The following TMEM270 variants were observed in gnomAD, a reference collection of about 807,000 sequenced individuals.
TMEM270 encodes transmembrane protein 270, also known as Williams-Beuren syndrome chromosome region 28.
TMEM270 carries 30 observed loss-of-function variants against 29.9 expected under a neutral mutation model. That is an observed-to-expected ratio of 1.00 (90% CI 0.75 to 1.36). TMEM270 has a LOEUF of 1.36. Ranked by LOEUF, TMEM270 falls within the 40% of genes most tolerant of loss-of-function variation. The pLI, the probability that TMEM270 is intolerant of heterozygous loss-of-function variation, is 0.00. For synonymous variants in TMEM270, 135 were observed against 139.8 expected (o/e 0.97, Z 0.24); for missense variants, 313 against 307.1 (o/e 1.02, Z -0.14).
At chr7:73,863,251 C>G (rs1462131898) in intron 1 of TMEM270, among the ~76,000 whole-genome samples, 2 of 152,106 alleles carry the variant, frequency 1.3e-5, no homozygotes, top group Non-Finnish European at 2.9e-5. Flanking sequence ...CACTCAAGGG[C>G]TGGGGGCTTT....
intron 1 of TMEM270, among the ~76,000 whole-genome samples, chr7:73,864,438 A>T (rs1437291190): frequency 2.0e-5 from 3 of 152,034 alleles, no homozygotes; most frequent in Admixed American, 2.0e-4. Flanking sequence ...CTTAAAAAAA[A>T]ATATCCAATG....
At chr7:73,863,444 C>A (rs910286090) in intron 1 of TMEM270, among the ~76,000 whole-genome samples, 3 of 150,904 alleles carry the variant, frequency 2.0e-5, no homozygotes, top group Admixed American at 6.6e-5. Flanking sequence ...GGCTGGAGTG[C>A]AGTGGCACGA....
intron 1 of TMEM270, among the ~76,000 whole-genome samples, chr7:73,864,555 C>A (rs1788856386): frequency 6.6e-6 from 1 of 152,058 alleles, no homozygotes; most frequent in African/African-American, 2.4e-5. Flanking sequence ...GAGCTGAGGC[C>A]TTGAGATGGG....
chr7:73,865,526 T>G lies in TMEM270; in HGVS notation c.502-51T>G, dbSNP rs570095509. The G allele has an allele frequency of 3.8e-6, 6 of 1,593,294 alleles. No homozygotes were observed. In the African/African-American group the frequency reaches 8.0e-5, roughly 21 times the overall value. On this transcript the variant is annotated intron_variant, in intron 2 of 2. Transcript: ENST00000320531. ...AGGGGGGAGCCACAGCCAAGCAGTG[T>G]AACCCTATGAGCTCCTAAGGGCCAC...
At chr7:73,865,499 G>A in intron 2 of TMEM270, 78 bp downstream of exon 2, 1 of 1,578,818 alleles carries the variant, frequency 6.3e-7, no homozygotes, top group Admixed American at 1.7e-5. Flanking sequence ...GGCTGGGCTT[G>A]CAGGGGGGAG....
rs781811494 is a variant in TMEM270, at chr7:73,861,236, C to T, written c.42C>T (p.Ile14=). The change falls in exon 1 of 3, where the codon ATC becomes ATT. Residue 14 remains isoleucine, a synonymous_variant. Coordinates refer to ENST00000320531, the MANE Select transcript of TMEM270 (RefSeq NM_182504.4). The part of the protein sequence containing the change: ...LPPVRSSLLG[I]LLQVTRLSVL... ...CAGTCAGATCCAGCCTTTTGGGGATCCTGTTGCAGGTTACGAGGCTCTCAG... is the reference window on the plus strand; with the variant it reads ...CAGTCAGATCCAGCCTTTTGGGGATTCTGTTGCAGGTTACGAGGCTCTCAG... 26 of 1,613,174 alleles carry T rather than the reference C, an allele frequency of 1.6e-5. No homozygotes were observed. The highest frequency in any genetic ancestry group is 1.3e-4 in the Admixed American group (8 of 59,986).
At chr7:73,865,495 G>A (rs1788887055) in intron 2 of TMEM270, 74 bp downstream of exon 2, 1 of 1,579,350 alleles carries the variant, frequency 6.3e-7, no homozygotes, top group Non-Finnish European at 8.6e-7. Flanking sequence ...GGCTGGCTGG[G>A]CTTGCAGGGG....
intron 1 of TMEM270, 105 bp from the exon 2 acceptor site, chr7:73,864,888 A>T (rs1294102966): frequency 1.8e-5 from 19 of 1,030,168 alleles, no homozygotes; most frequent in Non-Finnish European, 2.5e-5. Context: ...GGGCAACAAG[A>T]GTGAAACTCC....
intron 2 of TMEM270, 75 bp from the exon 3 acceptor site, chr7:73,865,501 AG>A (rs1231324559): frequency 2.5e-6 from 4 of 1,578,814 alleles, no homozygotes; most frequent in Non-Finnish European, 3.4e-6. Context: ...CTGGGCTTGC[AG>A]GGGGGAGCCA....
intron 1 of TMEM270, among the ~76,000 whole-genome samples, chr7:73,862,511 G>A (rs1554639437): frequency 1.3e-5 from 2 of 151,880 alleles, no homozygotes; most frequent in East Asian, 3.9e-4. Context: ...GGCCAAGGCT[G>A]CAGTCAGCCA....
chr7:73,861,079 T>G (rs1584352495), upstream of TMEM270: 1 of 969,968 alleles, frequency 1.0e-6, no homozygotes, highest in Admixed American at 1.8e-5. Flanking sequence ...AGGAGCCAGG[T>G]AAAGGCAGTG....
intron 1 of TMEM270, chr7:73,861,683 A>G (rs574465022): frequency 3.3e-6 from 1 of 300,672 alleles, no homozygotes; most frequent in South Asian, 2.9e-5. Flanking sequence ...TTGGCCTCAC[A>G]TGATCCTCCT....
intron 2 of TMEM270, 52 bp downstream of exon 2, chr7:73,865,473 G>A (rs782789080): frequency 6.3e-7 from 1 of 1,585,174 alleles, no homozygotes; most frequent in Non-Finnish European, 8.6e-7. Flanking sequence ...CTGGGGTACT[G>A]GGTGTGGTCA....
At chr7:73,864,908 A>G in intron 1 of TMEM270, 85 bp from the exon 2 acceptor site, 1 of 1,280,834 alleles carries the variant, frequency 7.8e-7, no homozygotes, top group East Asian at 2.6e-5. Context: ...CGTCTCAAAA[A>G]AAAAAAAAAG....
chr7:73,863,780 G>A (rs532307600), intron 1 of TMEM270, among the ~76,000 whole-genome samples: 27 of 152,158 alleles, frequency 1.8e-4, no homozygotes, highest in Non-Finnish European at 3.5e-4. Context: ...TGTCTCTCAC[G>A]CCTCCCTGCC....
At chr7:73,861,623 A>G in intron 1 of TMEM270, 1 of 373,722 alleles carries the variant, frequency 2.7e-6, no homozygotes, top group Non-Finnish European at 5.3e-6. Context: ...TAATTTTTGT[A>G]TTTTGTAGAG....
intron 1 of TMEM270, among the ~76,000 whole-genome samples, chr7:73,861,948 G>A (rs1788796169): frequency 6.6e-6 from 1 of 151,272 alleles, no homozygotes; most frequent in African/African-American, 2.4e-5. Context: ...ACAGGCACGT[G>A]CCATCATCCC....
chr7:73,865,173 C>A lies in TMEM270; in HGVS notation c.253C>A (p.Gln85Lys), dbSNP rs782023575. The change falls in exon 2 of 3, where the codon CAG becomes AAG. Residue 85 changes from glutamine (Q) to lysine (K), a missense_variant. Gln to Lys is a moderately conservative substitution (Grantham distance 53, BLOSUM62 1). Transcript: ENST00000320531. Reference sequence around the variant, plus strand: ...TCTCTGGGCTGGGCTGGCTCTGATACAGGTCCCCGTATGGCTGGTGCTACA... The same window carrying A: ...TCTCTGGGCTGGGCTGGCTCTGATAAAGGTCCCCGTATGGCTGGTGCTACA... ...QALWAGLALI[Q>K]VPVWLVLQGP... is the part of the protein sequence containing the mutation. 12 of 1,612,658 alleles carry A rather than the reference C, an allele frequency of 7.4e-6. No individual in the cohort carries two copies. Among genetic ancestry groups the A allele is most frequent in the Non-Finnish European group, 9.3e-6 (11 of 1,179,054 alleles).
In TMEM270 at chr7:73,865,132, GC is replaced by G. The variant is rs150108862; in HGVS notation, c.217del (p.Leu73TrpfsTer11). On this transcript the variant is annotated frameshift_variant, in exon 2 of 3. Coordinates refer to ENST00000320531, the MANE Select transcript of TMEM270 (RefSeq NM_182504.4). LOFTEE classifies it high-confidence loss of function. The stretch of plus-strand genomic sequence containing the variant: ...CACCTACCCCTGGGAGCTGCAGCCT[GC>G]CCCCTGGGCCAGGCTCTCTGGGCTG... ...QAHLPLGAAA[C>X]PLGQALWAGL... 2.5e-6 allele frequency: 4 copies of G among 1,604,340 alleles called. No individual in the cohort carries two copies. Among genetic ancestry groups the G allele is most frequent in the Admixed American group, 3.4e-5 (2 of 59,176 alleles).
Sources: allele counts gnomAD v4.1 joint callset (sites outside exome capture counted in the v4.1 genomes callset), GRCh38; gene constraint gnomAD v4.1.1; transcripts MANE v1.5; gene names NCBI Gene and HGNC (gene_info 2026-07-23, HGNC 2026-07-21).